ANO3: variants seen among roughly 807,000 people sequenced by gnomAD.
ANO3 encodes the protein anoctamin-3.
Under a neutral mutation model 144.8 loss-of-function variants are expected in ANO3, and 99 were observed. The observed-to-expected ratio is 0.68, with a 90% CI of 0.58 to 0.81. ANO3 has a LOEUF of 0.81. Ranked by LOEUF, ANO3 falls within the 30% of genes least tolerant of loss-of-function variation. ANO3 has a pLI of 0.00. For missense variants in ANO3, 905 were observed against 1,202.2 expected, an observed-to-expected ratio of 0.75 and a Z score of 3.66; for synonymous variants, 414 against 392.6, an observed-to-expected ratio of 1.05 and a Z score of -0.64.
intron 1 of ANO3, among the ~76,000 whole-genome samples, chr11:26,267,041 G>A (rs1310690210): frequency 2.0e-5 from 3 of 150,788 alleles, no homozygotes; most frequent in Non-Finnish European, 3.0e-5. Flanking sequence ...GCAGTCAGCC[G>A]AGATCGCGCC....
chr11:26,199,883 T>C (rs1851658607), intron 1 of ANO3, among the ~76,000 whole-genome samples: 1 of 152,222 alleles, frequency 6.6e-6, no homozygotes, highest in Non-Finnish European at 1.5e-5. Context: ...TCAATTGTAA[T>C]GTTAGTAGAT....
At chr11:26,310,901 A>G (rs1854488735) in intron 1 of ANO3, among the ~76,000 whole-genome samples, 1 of 152,178 alleles carries the variant, frequency 6.6e-6, no homozygotes, top group African/African-American at 2.4e-5. Flanking sequence ...GCCACTTGGG[A>G]TGCCTAGAAG....
chr11:26,285,432 T>G (rs1169964081), intron 1 of ANO3, among the ~76,000 whole-genome samples: 1 of 152,206 alleles, frequency 6.6e-6, no homozygotes, highest in Non-Finnish European at 1.5e-5. Flanking sequence ...CTTATTCTTA[T>G]TTTAAATGAA....
intron 1 of ANO3, among the ~76,000 whole-genome samples, chr11:26,220,740 C>T (rs1852125829): frequency 6.6e-6 from 1 of 152,116 alleles, no homozygotes; most frequent in South Asian, 2.1e-4. Context: ...TCAGTTACAC[C>T]TTCTGACAGG....
At chr11:26,580,645 C>T (rs1466292245) in intron 14 of ANO3, among the ~76,000 whole-genome samples, 4 of 152,158 alleles carry the variant, frequency 2.6e-5, no homozygotes, top group Non-Finnish European at 5.9e-5. Context: ...CTGATGAAAA[C>T]AGTGCTTTCC....
At chr11:26,546,159 TCAAA>T (rs891881699) in intron 11 of ANO3, among the ~76,000 whole-genome samples, 24 of 152,054 alleles carry the variant, frequency 1.6e-4, no homozygotes, top group African/African-American at 5.8e-4. Context: ...GAACACTTGT[TCAAA>T]CAAACAAATG....
intron 18 of ANO3, among the ~76,000 whole-genome samples, chr11:26,631,619 C>T (rs1194607894): frequency 1.3e-5 from 2 of 151,954 alleles, no homozygotes; most frequent in Non-Finnish European, 2.9e-5. Flanking sequence ...AAAAGAAACA[C>T]AACTGAATTT....
At chr11:26,219,044 C>A (rs957842156) in intron 1 of ANO3, among the ~76,000 whole-genome samples, 4 of 152,144 alleles carry the variant, frequency 2.6e-5, no homozygotes, top group Non-Finnish European at 5.9e-5. Flanking sequence ...TTCTCTGTTG[C>A]AGGGGGCTGT....
At chr11:26,193,820 T>G (rs554197737) in intron 1 of ANO3, among the ~76,000 whole-genome samples, 2 of 152,332 alleles carry the variant, frequency 1.3e-5, no homozygotes, top group South Asian at 4.1e-4. Flanking sequence ...TACCTAGGAA[T>G]GCAACCTATC....
intron 17 of ANO3, among the ~76,000 whole-genome samples, chr11:26,615,408 ATATATATT>A (rs1852224759): frequency 1.0e-5 from 1 of 98,722 alleles, no homozygotes; most frequent in South Asian, 4.1e-4. Context: ...ATATATATAT[ATATATATT>A]TTTTTTTTTT....
At chr11:26,599,754 G>C in intron 17 of ANO3, 40 bp downstream of exon 17, 1 of 1,564,862 alleles carries the variant, frequency 6.4e-7, no homozygotes, top group Non-Finnish European at 8.7e-7. Flanking sequence ...GACAAAAAAG[G>C]GGTGGAAAGG....
intron 1 of ANO3, among the ~76,000 whole-genome samples, chr11:26,273,797 C>G (rs1354100781): frequency 1.3e-5 from 2 of 152,072 alleles, no homozygotes; most frequent in African/African-American, 2.4e-5. Flanking sequence ...GCTTCCAAAC[C>G]AGTGCCAGAT....
At chr11:26,439,700 A>T (rs1858443840) in intron 1 of ANO3, among the ~76,000 whole-genome samples, 1 of 152,210 alleles carries the variant, frequency 6.6e-6, no homozygotes, top group South Asian at 2.1e-4. Context: ...GATGGAAAAA[A>T]TACCTAAGAC....
At chr11:26,317,642 G>T in intron 1 of ANO3, among the ~76,000 whole-genome samples, 1 of 152,262 alleles carries the variant, frequency 6.6e-6, no homozygotes, top group Non-Finnish European at 1.5e-5. Context: ...AAATAGGAAC[G>T]CTTTTACACT....
intron 1 of ANO3, among the ~76,000 whole-genome samples, chr11:26,354,754 A>C (rs868225568): frequency 1.3e-5 from 2 of 152,148 alleles, no homozygotes; most frequent in Middle Eastern, 3.2e-3. Context: ...TTGTTTCCTC[A>C]GTAAATAAGT....
chr11:26,423,978 TG>T (rs1318340233), intron 1 of ANO3, among the ~76,000 whole-genome samples: 2 of 151,644 alleles, frequency 1.3e-5, no homozygotes, highest in East Asian at 1.9e-4. Flanking sequence ...TGTTTAAAAA[TG>T]TTTTTTTTTT....
At chr11:26,206,969 C>G (rs1851807181) in intron 1 of ANO3, among the ~76,000 whole-genome samples, 1 of 151,974 alleles carries the variant, frequency 6.6e-6, no homozygotes, top group East Asian at 1.9e-4. Flanking sequence ...GTATGAAGGG[C>G]AAATATTACG....
chr11:26,225,266 T>A (rs889036272), intron 1 of ANO3, among the ~76,000 whole-genome samples: 1 of 152,126 alleles, frequency 6.6e-6, no homozygotes, highest in Non-Finnish European at 1.5e-5. Context: ...GAAGCTCGTA[T>A]GATTTGTGAG....
At chr11:26,584,309 C>A (rs1309235956) in intron 14 of ANO3, among the ~76,000 whole-genome samples, 1 of 152,090 alleles carries the variant, frequency 6.6e-6, no homozygotes, top group Non-Finnish European at 1.5e-5. Flanking sequence ...CAGGTGTCTG[C>A]CACCATGCCC....
Sources: allele counts gnomAD v4.1 joint callset (sites outside exome capture counted in the v4.1 genomes callset), GRCh38; gene constraint gnomAD v4.1.1; transcripts MANE v1.5; gene names NCBI Gene and HGNC (gene_info 2026-07-23, HGNC 2026-07-21).